The following NPEPL1 variants were observed in gnomAD, a reference collection of about 807,000 sequenced individuals.
NPEPL1 encodes the protein probable aminopeptidase NPEPL1.
NPEPL1 carries 45 observed loss-of-function variants against 52.4 expected under a neutral mutation model. The observed-to-expected ratio is 0.86, with a 90% CI of 0.68 to 1.10. The LOEUF (loss-of-function observed/expected upper bound fraction) is 1.10. NPEPL1 is among the 50% of genes least tolerant of loss of function. NPEPL1 has a pLI of 0.00. For synonymous variants in NPEPL1, 360 were observed against 314.7 expected, an observed-to-expected ratio of 1.14 and a Z score of -1.52; for missense variants, 696 against 710.9, an observed-to-expected ratio of 0.98 and a Z score of 0.24.
rs899561798 is a variant in NPEPL1 at position 58,701,022 on chromosome 20, A to G, written c.686A>G (p.Tyr229Cys). The change falls in exon 6 of 12, where the codon TAT becomes TGT. Residue 229 changes from tyrosine (Y) to cysteine (C), a missense_variant. Transcript: ENST00000356091. ...CTCCCCACGCTTTCCATAGGAATCT[A>G]TGGGGTTGGCAAAGCCGCCCTGCAT... ...ELKTRGFGGI[Y>C]GVGKAALHPP... is the part of the protein sequence containing the mutation. 5 of 1,586,196 alleles carry G rather than the reference A, an allele frequency of 3.2e-6. No individual in the cohort carries two copies. The highest frequency in any genetic ancestry group is 4.3e-6 in the Non-Finnish European group (5 of 1,166,802).
chr20:58,697,459 A>G (rs2084516865), intron 3 of NPEPL1, among the ~76,000 whole-genome samples: 1 of 152,226 alleles, frequency 6.6e-6, no homozygotes, highest in Admixed American at 6.5e-5. Flanking sequence ...CATTCATATC[A>G]GAGCTGTCAA....
chr20:58,702,758 G>A (rs1030514044), intron 6 of NPEPL1, among the ~76,000 whole-genome samples: 2 of 152,162 alleles, frequency 1.3e-5, no homozygotes, highest in Non-Finnish European at 2.9e-5. Context: ...TGATTTTGAA[G>A]AGCTCCAATC....
chr20:58,709,570 TCTC>T (rs2084795889), intron 7 of NPEPL1, among the ~76,000 whole-genome samples: 1 of 152,096 alleles, frequency 6.6e-6, no homozygotes, highest in African/African-American at 2.4e-5. Context: ...AGTCAAATGC[TCTC>T]AGAGTGCCTC....
upstream of NPEPL1, chr20:58,691,680 CTTTTTTTCTTTTCTTT>C: frequency 2.7e-6 from 2 of 753,620 alleles, no homozygotes; most frequent in East Asian, 6.1e-5. Context: ...GCTTTTTTTT[CTTTTTTTCTTTTCTTT>C]TTTTTTTTTT....
chr20:58,714,563 C>G lies in NPEPL1; in HGVS notation c.1306C>G (p.Arg436Gly). ...VADMKNSVADRDNSPSSCAGL... is the reference protein window; with the variant it reads ...VADMKNSVADGDNSPSSCAGL... ...TGTGTCCTCCTGGCCTCCCTAGGAC[C>G]GAGACAACAGCCCCAGCTCCTGTGC... The change falls in exon 11 of 12, where the codon CGA becomes GGA. Residue 436 changes from arginine (R) to glycine (G), a missense_variant. Coordinates refer to ENST00000356091, the MANE Select transcript of NPEPL1 (RefSeq NM_024663.4). 6.3e-7 allele frequency: 1 copy of G among 1,579,314 alleles called. No individual in the cohort carries two copies. Among genetic ancestry groups the G allele is most frequent in the Non-Finnish European group, 8.6e-7 (1 of 1,165,926 alleles).
At chr20:58,707,228 G>A (rs149402448) in intron 7 of NPEPL1, 28 bp downstream of exon 7, 1 of 1,533,736 alleles carries the variant, frequency 6.5e-7, no homozygotes, top group Middle Eastern at 2.0e-4. Context: ...GCCCTCTGCA[G>A]GGGCATCCTG....
chr20:58,708,493 T>C (rs1369727050), intron 7 of NPEPL1, among the ~76,000 whole-genome samples: 1 of 151,816 alleles, frequency 6.6e-6, no homozygotes, highest in African/African-American at 2.4e-5. Context: ...AGCACACAGC[T>C]GGGGCTGTAC....
intron 11 of NPEPL1, 65 bp from the exon 12 acceptor site, chr20:58,715,103 C>G: frequency 1.3e-6 from 2 of 1,502,556 alleles, no homozygotes; most frequent in Non-Finnish European, 1.8e-6. Context: ...GGTGAGGGGT[C>G]CCCAGGAACC....
At chr20:58,704,527 T>C (rs1235995230) in intron 6 of NPEPL1, 1 of 317,028 alleles carries the variant, frequency 3.2e-6, no homozygotes, top group African/African-American at 2.3e-5. Context: ...CATGTTATCA[T>C]AAATAATTTT....
At chr20:58,691,659 G>C, upstream of NPEPL1, 1 of 733,230 alleles carries the variant, frequency 1.4e-6, no homozygotes, top group South Asian at 1.7e-5. Flanking sequence ...CCACGCCAGG[G>C]AGTTGACAGT....
At chr20:58,706,463 A>G (rs1044459872) in intron 6 of NPEPL1, among the ~76,000 whole-genome samples, 1 of 152,156 alleles carries the variant, frequency 6.6e-6, no homozygotes, top group Non-Finnish European at 1.5e-5. Context: ...TGCCAGGGAG[A>G]GGAAGCTAGG....
At chr20:58,704,287 GA>G (rs3833302) in intron 6 of NPEPL1, 372,666 of 976,106 alleles carry the variant, frequency 0.38, 72,567 homozygotes, top group Non-Finnish European at 0.4. Flanking sequence ...AGTTTTGCAA[GA>G]AAAAAAAAAT....
Position 58,713,418 on chromosome 20 carries a change from A to G in NPEPL1, c.1002-2A>G, listed in dbSNP as rs2084894643. 7 of 1,603,516 alleles carry G rather than the reference A, an allele frequency of 4.4e-6. No individual in the cohort carries two copies. The highest frequency in any genetic ancestry group is 6.0e-6 in the Non-Finnish European group (7 of 1,174,850). ...TGAGCGGGGATCTCTACCATGCCCC[A>G]GGACGGTGGAAATCAACAACACGGA... On this transcript the variant is annotated splice_acceptor_variant, in intron 8 of 11. Coordinates refer to ENST00000356091, the MANE Select transcript of NPEPL1 (RefSeq NM_024663.4). LOFTEE classifies it high-confidence loss of function. This position sits in a 1 kb window ranked among gnomAD's most constrained non-coding sequence, Gnocchi z 4.6.
In NPEPL1 at chr20:58,693,875, C is replaced by G. The variant is rs765937608; in HGVS notation, c.289C>G (p.Arg97Gly). 1.1e-5 allele frequency: 18 copies of G among 1,613,056 alleles called. No homozygotes were observed. Among genetic ancestry groups the G allele is most frequent in the Non-Finnish European group, 1.5e-5 (18 of 1,179,544 alleles). Residue 97 changes from arginine to glycine, a missense_variant, in exon 2 of 12, where the codon CGG becomes GGG. By Grantham distance (125) the Arg-to-Gly change is moderately radical. Transcript: ENST00000356091. ...CCCCTCGGCCGCCCACTTCATCACGCGGCTGGTGCGGACCTGCCTGCCGCC... is the reference window on the plus strand; with the variant it reads ...CCCCTCGGCCGCCCACTTCATCACGGGGCTGGTGCGGACCTGCCTGCCGCC... ...NSPSAAHFITRLVRTCLPPGA... is the reference protein window; with the variant it reads ...NSPSAAHFITGLVRTCLPPGA...
At chr20:58,712,903 A>G in intron 8 of NPEPL1, 1 of 421,464 alleles carries the variant, frequency 2.4e-6, no homozygotes, top group East Asian at 5.4e-5. Flanking sequence ...TGACCCCCAG[A>G]TTCCCTGCTC....
Position 58,696,117 on chromosome 20 carries a change from G to A in NPEPL1, c.507+1525G>A, listed in dbSNP as rs189398379. The stretch of plus-strand genomic sequence containing the variant: ...GGCACGGGTGCCCGCAGAGCCCACC[G>A]GGGGCTCAAGCATCACCCTTATTTC... On this transcript the variant is annotated intron_variant, in intron 3 of 11. Coordinates refer to ENST00000356091, the MANE Select transcript of NPEPL1 (RefSeq NM_024663.4). Among the ~76,000 whole-genome samples, 18 of 152,310 alleles carry A rather than the reference G, an allele frequency of 1.2e-4. No homozygotes were observed. In the South Asian group the frequency reaches 1.5e-3, roughly 12 times the overall value.
chr20:58,700,990 C>G, intron 5 of NPEPL1, 26 bp from the exon 6 acceptor site: 1 of 1,535,120 alleles, frequency 6.5e-7, no homozygotes, highest in Non-Finnish European at 8.8e-7. Flanking sequence ...CCGAGCCTAA[C>G]CCAGTTCTCC....
intron 7 of NPEPL1, chr20:58,711,540 G>A (rs182577674): frequency 4.6e-5 from 7 of 152,530 alleles, no homozygotes; most frequent in Admixed American, 2.0e-4. Context: ...TCACCCTGAG[G>A]CTGGTGGGGT....
chr20:58,704,383 T>C lies in NPEPL1; in HGVS notation c.823-2740T>C, dbSNP rs2084697503. 5 of 985,414 alleles carry C rather than the reference T, an allele frequency of 5.1e-6. 1 individual carries two copies. The South Asian group carries it at 1.9e-4, about 37-fold the overall frequency. The allele number at this position is 985,414 out of a possible 1,614,324, so 61.0% of individuals were successfully genotyped here. On this transcript the variant is annotated intron_variant, in intron 6 of 11. Transcript: ENST00000356091. ...TCAAATGCATTACTGGAGACCCCTT[T>C]ACGCTCTTAACAAGTACCGACCCCA...
Sources: gnomAD v4.1 joint callset for allele counts (sites outside exome capture counted in the v4.1 genomes callset) on GRCh38, gnomAD v4.1.1 for gene constraint, Gnocchi (gnomAD v3.1) non-coding constraint, MANE v1.5 for transcripts, NCBI Gene and HGNC (gene_info 2026-07-23, HGNC 2026-07-21) for gene names.